Variants in SERPINA12 observed in about 807,000 individuals in gnomAD.
SERPINA12 encodes serpin A12.
In SERPINA12, 21 loss-of-function variants were observed where a neutral mutation model predicts 25.9. The ratio of observed to expected loss-of-function variants is 0.81; its 90% CI spans 0.58 to 1.17. The LOEUF (loss-of-function observed/expected upper bound fraction) is 1.17, where lower values mean the gene tolerates loss of function less well. Ranked by LOEUF, SERPINA12 falls within the 50% of genes most tolerant of loss-of-function variation. The probability of loss-of-function intolerance (pLI) is 0.00; values close to 1 mark genes in which losing one functional copy is unlikely to be tolerated. For missense variants in SERPINA12, 562 were observed against 508.3 expected (o/e 1.11, Z -1.02); for synonymous variants, 220 against 196.0 (o/e 1.12, Z -1.02).
upstream of SERPINA12, chr14:94,509,922 G>T (rs537180775): frequency 1.6e-4 from 150 of 935,300 alleles, 3 homozygotes; most frequent in South Asian, 6.3e-3. Flanking sequence ...AATGGGTGTG[G>T]GCACCCTGGC....
chr14:94,509,421 G>C lies in SERPINA12; in HGVS notation c.-113C>G, dbSNP rs1901046436. 6.6e-6 allele frequency among the ~76,000 whole-genome samples: 1 copy of C among 151,812 alleles called. No homozygotes were observed. The highest frequency in any genetic ancestry group is 2.4e-5 in the African/African-American group (1 of 41,296). On this transcript the variant is annotated 5_prime_UTR_variant, in exon 1 of 5. Coordinates refer to ENST00000677451, the MANE Select transcript of SERPINA12 (RefSeq NM_001382267.1). ...AGTTGTTGCTGATCCCAGCCTCCTA[G>C]TCCTTTTTCGGTCCTGGTCCTGCAG...
intron 4 of SERPINA12, 90 bp from the exon 5 acceptor site, chr14:94,487,584 C>A (rs2139842437): frequency 8.6e-7 from 1 of 1,156,822 alleles, no homozygotes; most frequent in South Asian, 1.5e-5. Context: ...AGAGGAAGAC[C>A]ACTTGGCCCA....
rs535775510 is a variant in SERPINA12, at chr14:94,502,630, T to C, written c.-33-4200A>G. The stretch of plus-strand genomic sequence containing the variant: ...AGAACTCCCCCTGCCCCCAGGCAGG[T>C]CACTCCTCTCCTGATAGTTGACCAC... On this transcript the variant is annotated intron_variant, in intron 1 of 4. Transcript: ENST00000677451. 6.6e-5 allele frequency among the ~76,000 whole-genome samples: 10 copies of C among 152,210 alleles called. 1 individual carries two copies. The South Asian group carries it at 2.1e-3, about 32-fold the overall frequency.
At chr14:94,497,637 T>A (rs2139852539) in intron 2 of SERPINA12, 127 bp downstream of exon 2, 1 of 810,820 alleles carries the variant, frequency 1.2e-6, no homozygotes, top group Non-Finnish European at 1.9e-6. Flanking sequence ...ATAGGAAAAG[T>A]GAGGTTTTGA....
rs932864081 is a variant in SERPINA12, at chr14:94,517,092, C to T, written c.-353+309G>A. Among the ~76,000 whole-genome samples the T allele has an allele frequency of 3.3e-5, 5 of 152,212 alleles. 1 individual carries two copies. The highest frequency in any genetic ancestry group is 3.3e-4 in the Admixed American group (5 of 15,290). On this transcript the variant is annotated intron_variant, in intron 1 of 5. Coordinates refer to the SERPINA12 transcript ENST00000341228. ...GGCACAGCACATGGCTCTCTGCGTCCCAGCAGCCAAGGACCACACGTAGTT... is the reference window on the plus strand; with the variant it reads ...GGCACAGCACATGGCTCTCTGCGTCTCAGCAGCCAAGGACCACACGTAGTT...
chr14:94,500,345 TTC>T (rs1900663377), intron 1 of SERPINA12, among the ~76,000 whole-genome samples: 1 of 152,180 alleles, frequency 6.6e-6, no homozygotes, highest in Non-Finnish European at 1.5e-5. Flanking sequence ...TCTCCTCATC[TTC>T]TCTTTCTTTT....
upstream of SERPINA12, among the ~76,000 whole-genome samples, chr14:94,512,107 A>AAAACG (rs2139866868): frequency 6.6e-6 from 1 of 152,226 alleles, no homozygotes; most frequent in South Asian, 2.1e-4. Flanking sequence ...AAAACAAAAC[A>AAAACG]AAACAAAACA....
intron 1 of SERPINA12, among the ~76,000 whole-genome samples, chr14:94,504,645 A>G (rs1382135748): frequency 6.6e-6 from 1 of 152,240 alleles, no homozygotes; most frequent in East Asian, 1.9e-4. Context: ...CAAATAGACA[A>G]CTAAATGCGT....
chr14:94,496,652 G>A lies in SERPINA12; in HGVS notation c.635-9C>T. 1 of 1,612,106 alleles carries A rather than the reference G, an allele frequency of 6.2e-7. No individual in the cohort carries two copies. The highest frequency in any genetic ancestry group is 2.2e-5 in the East Asian group (1 of 44,856). On this transcript the variant is annotated splice_polypyrimidine_tract_variant and intron_variant, in intron 2 of 4. Transcript: ENST00000677451. ...CTCATGTTTCCACCTGGCTTAGATT[G>A]AAGAAAGACAAACAGACATGTTATC...
At chr14:94,489,878 A>G (rs1418879985) in intron 3 of SERPINA12, 111 bp from the exon 4 acceptor site, 2 of 1,080,892 alleles carry the variant, frequency 1.9e-6, no homozygotes, top group African/African-American at 3.1e-5. Context: ...AAAGGTCTCC[A>G]ATCTCTCTCC....
rs757213368 is a variant in SERPINA12, at chr14:94,496,371, A to T, written c.905+2T>A. On this transcript the variant is annotated splice_donor_variant, in intron 3 of 4. Coordinates refer to ENST00000677451, the MANE Select transcript of SERPINA12 (RefSeq NM_001382267.1). LOFTEE classifies it high-confidence loss of function. ...GCTGCGAGGGCTAGGCACCCACTTT[A>T]CCTGCGTGACAGTAATGTTTTCCAT... 41 of 1,614,138 alleles carry T rather than the reference A, an allele frequency of 2.5e-5. No homozygotes were observed. The highest frequency in any genetic ancestry group is 3.3e-5 in the Non-Finnish European group (39 of 1,180,024).
intron 2 of SERPINA12, among the ~76,000 whole-genome samples, chr14:94,515,027 C>T (rs767689292): frequency 4.6e-5 from 7 of 152,224 alleles, no homozygotes; most frequent in Admixed American, 1.3e-4. Flanking sequence ...ACCAGCCACA[C>T]ACCTGCTGCT....
At chr14:94,515,955 G>T (rs1293319413) in exon 2 of SERPINA12, 1 of 152,286 alleles carries the variant, frequency 6.6e-6, no homozygotes, top group Non-Finnish European at 1.5e-5. Context: ...TGCAAGTGGG[G>T]AATGTACCAG....
At position 94,487,439 on chromosome 14, in the gene SERPINA12, C is replaced by T. The variant is rs1403542772; in HGVS notation, c.1109G>A (p.Gly370Asp). The T allele has an allele frequency of 6.2e-7, 1 of 1,613,982 alleles. No individual in the cohort carries two copies. Among genetic ancestry groups the T allele is most frequent in the African/African-American group, 1.3e-5 (1 of 75,036 alleles). ...MDERGTEGAA[G>D]TGAQTLPMET... ...CATGGGCAGAGTCTGTGCTCCGGTGCCAGCGGCCCCTTCCGTACCCCTCTC... is the reference window on the plus strand; with the variant it reads ...CATGGGCAGAGTCTGTGCTCCGGTGTCAGCGGCCCCTTCCGTACCCCTCTC... The change falls in exon 5 of 5, where the codon GGC becomes GAC. Residue 370 changes from glycine to aspartate, a missense_variant. By Grantham distance (94) the Gly-to-Asp change is moderately conservative. Coordinates refer to ENST00000677451, the MANE Select transcript of SERPINA12 (RefSeq NM_001382267.1).
At chr14:94,509,902 A>C, upstream of SERPINA12, 1 of 830,572 alleles carries the variant, frequency 1.2e-6, no homozygotes, top group Non-Finnish European at 1.5e-6. Flanking sequence ...CTTCCCTGGG[A>C]CAGGACAGGA....
At chr14:94,507,280 G>A (rs1900962541) in intron 1 of SERPINA12, among the ~76,000 whole-genome samples, 1 of 152,156 alleles carries the variant, frequency 6.6e-6, no homozygotes, top group Non-Finnish European at 1.5e-5. Context: ...GCTTCTAGAA[G>A]AAAATATATT....
chr14:94,512,285 C>T (rs1285209165), upstream of SERPINA12, among the ~76,000 whole-genome samples: 1 of 152,204 alleles, frequency 6.6e-6, no homozygotes, highest in Non-Finnish European at 1.5e-5. Flanking sequence ...GGTCCTACAG[C>T]CACAGCAAGC....
At chr14:94,508,364 C>G (rs1901005639) in intron 1 of SERPINA12, among the ~76,000 whole-genome samples, 1 of 142,924 alleles carries the variant, frequency 7.0e-6, no homozygotes, top group Non-Finnish European at 1.5e-5. Context: ...AAAATCTAAA[C>G]AAGTAAGAAA....
At chr14:94,516,460 C>T (rs2139870129) in intron 1 of SERPINA12, among the ~76,000 whole-genome samples, 1 of 152,292 alleles carries the variant, frequency 6.6e-6, no homozygotes, top group East Asian at 1.9e-4. Flanking sequence ...AAGGAGGAGG[C>T]CTGGTGAGGG....
Sources: allele counts gnomAD v4.1 joint callset (sites outside exome capture counted in the v4.1 genomes callset), GRCh38; gene constraint gnomAD v4.1.1; transcripts MANE v1.5; gene names NCBI Gene and HGNC (gene_info 2026-07-23, HGNC 2026-07-21).